The following EPPK1 variants were observed in gnomAD, a reference collection of about 807,000 sequenced individuals.
EPPK1 encodes the protein epiplakin 1, also known as epiplakin.
For synonymous variants in EPPK1, 1,862 were observed against 1,721.2 expected, an observed-to-expected ratio of 1.08 and a Z score of -2.03; for missense variants, 3,823 against 3,673.3, an observed-to-expected ratio of 1.04 and a Z score of -1.05.
Position 143,873,194 on chromosome 8 carries a change from G to A in EPPK1, c.60C>T (p.Ala20=). 1 of 1,593,496 alleles carries A rather than the reference G, an allele frequency of 6.3e-7. No individual in the cohort carries two copies. The highest frequency in any genetic ancestry group is 8.5e-7 in the Non-Finnish European group (1 of 1,172,982). Reference sequence around the variant, plus strand: ...TGGCTGCCATGGCTCTGGGTACACTGGCCTGCTCTGTGCTGTTGGTGCCTG... The same window carrying A: ...TGGCTGCCATGGCTCTGGGTACACTAGCCTGCTCTGTGCTGTTGGTGCCTG... The part of the protein sequence containing the change: ...PVPGTNSTEQ[A]SVPRAMAATL... Residue 20 remains alanine, a synonymous_variant, in exon 2 of 2, where the codon GCC becomes GCT. Transcript: ENST00000615648.
chr8:143,871,035 A>G lies in EPPK1; in HGVS notation c.2219T>C (p.Val740Ala). 1 of 1,613,104 alleles carries G rather than the reference A, an allele frequency of 6.2e-7. No homozygotes were observed. Residue 740 changes from valine (V) to alanine (A), a missense_variant, in exon 2 of 2, where the codon GTG becomes GCG. Coordinates refer to ENST00000615648, the MANE Select transcript of EPPK1 (RefSeq NM_031308.4). ...GTAGCCGCGCCGGTAGGCCACGTCC[A>G]CGGGCACGCGGTGGCTGTGCACGGG... ...IDPVHSHRVP[V>A]DVAYRRGYFD...
At position 143,871,992 on chromosome 8, in the gene EPPK1, C is replaced by A. The variant is rs1241692303; in HGVS notation, c.1262G>T (p.Cys421Phe). The change falls in exon 2 of 2, where the codon TGC (cysteine) becomes TTC (phenylalanine). Residue 421 changes from cysteine to phenylalanine, a missense_variant. By Grantham distance (205) the Cys-to-Phe change is radical. Transcript: ENST00000615648. ...CTGAGTGTCTTCATCCAGGCAGCCG[C>A]AGCGCAGGGCGGCCTCCAGGGGCAG... is the stretch of plus-strand genomic sequence containing the variant. ...LRLPLEAALR[C>F]GCLDEDTQRQ... The A allele has an allele frequency of 6.3e-7, 1 of 1,584,614 alleles. No homozygotes were observed. The highest frequency in any genetic ancestry group is 1.3e-5 in the African/African-American group (1 of 74,468).
intron 1 of EPPK1, among the ~76,000 whole-genome samples, chr8:143,876,088 A>C (rs1360572999): frequency 6.6e-6 from 1 of 152,236 alleles, no homozygotes; most frequent in Non-Finnish European, 1.5e-5. Flanking sequence ...GCCAAAGGCT[A>C]TGCTGCTCCC....
At position 143,867,945 on chromosome 8, in the gene EPPK1, T is replaced by C. The variant is rs1819189265; in HGVS notation, c.5309A>G (p.Asn1770Ser). 7.4e-6 allele frequency: 12 copies of C among 1,613,592 alleles called. No homozygotes were observed. The highest frequency in any genetic ancestry group is 5.5e-5 in the South Asian group (5 of 91,080). The change falls in exon 2 of 2, where the codon AAT becomes AGT. Residue 1770 changes from asparagine to serine, a missense_variant. By Grantham distance (46) the Asn-to-Ser change is conservative. Coordinates refer to ENST00000615648, the MANE Select transcript of EPPK1 (RefSeq NM_031308.4). The part of the protein sequence containing the change: ...IKKGENYVYI[N>S]EATRHVLQSR... ...TTGCAACACGTGTCTCGTGGCCTCA[T>C]TGATGTACACGTAGTTTTCTCCTTT...
rs782794251 is a variant in EPPK1, at chr8:143,872,408, C to T, written c.846G>A (p.Glu282=). The T allele has an allele frequency of 1.2e-6, 2 of 1,602,218 alleles. No homozygotes were observed. Among genetic ancestry groups the T allele is most frequent in the Admixed American group, 1.7e-5 (1 of 59,976 alleles). Residue 282 remains glutamate (E), a synonymous_variant, in exon 2 of 2, where the codon GAG becomes GAA. Transcript: ENST00000615648. The stretch of plus-strand genomic sequence containing the variant: ...CAACCCCGGCCACGCTGCCGGTACC[C>T]TCCAGGTAGCGCCGCACCTCGGCAC... ...SARAEVRRYL[E]GTGSVAGVVL...
In EPPK1 at chr8:143,867,229, C is replaced by G; in HGVS notation, c.6025G>C (p.Val2009Leu). 6.2e-7 allele frequency: 1 copy of G among 1,612,774 alleles called. No individual in the cohort carries two copies. ...ATGACACCCCCCGTGGCCACCTGCACCTCCAGCAGCCTCAGTGCCTCCGCC... is the reference window on the plus strand; with the variant it reads ...ATGACACCCCCCGTGGCCACCTGCAGCTCCAGCAGCCTCAGTGCCTCCGCC... Reference protein sequence around the residue: ...EKAEALRLLEVQVATGGVIDP... With the variant: ...EKAEALRLLELQVATGGVIDP... Residue 2009 changes from valine to leucine, a missense_variant, in exon 2 of 2, where the codon GTG (valine) becomes CTG (leucine). Coordinates refer to ENST00000615648, the MANE Select transcript of EPPK1 (RefSeq NM_031308.4).
At position 143,865,426 on chromosome 8, in the gene EPPK1, G is replaced by A. The variant is rs1276814209; in HGVS notation, c.7828C>T (p.Arg2610Cys). 7.1e-5 allele frequency: 18 copies of A among 252,610 alleles called. No individual in the cohort carries two copies. Among genetic ancestry groups the A allele is most frequent in the South Asian group, 1.4e-4 (1 of 6,910 alleles). The allele number at this position is 252,610 out of a possible 1,614,324, so 15.6% of individuals were successfully genotyped here. A position where few individuals can be genotyped will look rare whatever the true frequency, so the allele number is the denominator to read the frequency against. Residue 2610 changes from arginine to cysteine, a missense_variant, in exon 2 of 2, where the codon CGC (arginine) becomes TGC (cysteine). Transcript: ENST00000615648. ...TCCCCCTGGCCCTCTCGCTGGGAGCGCCCCGAGTCGCCGTCCCCTCGCCCG... is the reference window on the plus strand; with the variant it reads ...TCCCCCTGGCCCTCTCGCTGGGAGCACCCCGAGTCGCCGTCCCCTCGCCCG... Reference protein sequence around the residue: ...PAGRGDGDSGRSQREGQGEGE... With the variant: ...PAGRGDGDSGCSQREGQGEGE...
At position 143,867,999 on chromosome 8, in the gene EPPK1, G is replaced by A. The variant is rs370264014; in HGVS notation, c.5255C>T (p.Thr1752Met). The A allele has an allele frequency of 8.2e-5, 133 of 1,613,556 alleles. No homozygotes were observed. Among genetic ancestry groups the A allele is most frequent in the South Asian group, 1.2e-4 (11 of 91,086 alleles). ...LLERCVEDPE[T>M]GLYLLQIIKK... Reference sequence around the variant, plus strand: ...TATGATTTGTAGCAGGTACAGGCCCGTCTCGGGGTCCTCCACACAGCGCTC... The same window carrying A: ...TATGATTTGTAGCAGGTACAGGCCCATCTCGGGGTCCTCCACACAGCGCTC... The change falls in exon 2 of 2, where the codon ACG (threonine) becomes ATG (methionine). Residue 1752 changes from threonine to methionine, a missense_variant. Physicochemically the swap from Thr to Met is moderately conservative, Grantham distance 81 (BLOSUM62 -1). Coordinates refer to ENST00000615648, the MANE Select transcript of EPPK1 (RefSeq NM_031308.4).
chr8:143,878,414 C>CACCCGG (rs1819530146), intron 1 of EPPK1, 24 bp downstream of exon 1: 1 of 96,772 alleles, frequency 1.0e-5, no homozygotes, highest in Admixed American at 9.8e-5. Context: ...GCCGCACCCG[C>CACCCGG]CGCACCCGCC....
At position 143,872,984 on chromosome 8, in the gene EPPK1, GC is replaced by G; in HGVS notation, c.269del (p.Gly90AlafsTer19). 6.3e-7 allele frequency: 1 copy of G among 1,582,228 alleles called. No homozygotes were observed. Among genetic ancestry groups the G allele is most frequent in the Non-Finnish European group, 8.6e-7 (1 of 1,164,010 alleles). Reference sequence around the variant, plus strand: ...GGGCCTTGGACACAGGGAGCAGCTGGCCCCGGGCGAGGTCCACCAGGCCCCC... The same window carrying G: ...GGGCCTTGGACACAGGGAGCAGCTGGCCCGGGCGAGGTCCACCAGGCCCCC... ...ATGGLVDLAR[G>X]QLLPVSKALQ... On this transcript the variant is annotated frameshift_variant, in exon 2 of 2. Coordinates refer to ENST00000615648, the MANE Select transcript of EPPK1 (RefSeq NM_031308.4). LOFTEE classifies it low-confidence loss of function (END_TRUNC).
chr8:143,871,733 G>T lies in EPPK1; in HGVS notation c.1521C>A (p.Pro507=). ...AGAAGAGCAGCTCCCAGAGGGACAC[G>T]GGCCGGCCCCGGAACTTCCCCACAG... is the stretch of plus-strand genomic sequence containing the variant. The part of the protein sequence containing the change: ...TVSVGKFRGR[P]VSLWELLFSE... The change falls in exon 2 of 2, where the codon CCC becomes CCA. Residue 507 remains proline, a synonymous_variant. Coordinates refer to ENST00000615648, the MANE Select transcript of EPPK1 (RefSeq NM_031308.4). 1 of 1,609,222 alleles carries T rather than the reference G, an allele frequency of 6.2e-7. No individual in the cohort carries two copies. The highest frequency in any genetic ancestry group is 8.5e-7 in the Non-Finnish European group (1 of 1,178,558).
Position 143,870,535 on chromosome 8 carries a change from G to A in EPPK1, c.2719C>T (p.Leu907=). Reference sequence around the variant, plus strand: ...GCCTCCGGGCTGATTGTCCCGGCCAGCACTTGGTCCAACAGCTGCTGGTCA... The same window carrying A: ...GCCTCCGGGCTGATTGTCCCGGCCAACACTTGGTCCAACAGCTGCTGGTCA... ...IIDQQLLDQV[L]AGTISPEALL... The change falls in exon 2 of 2, where the codon CTG becomes TTG. Residue 907 remains leucine, a synonymous_variant. Coordinates refer to ENST00000615648, the MANE Select transcript of EPPK1 (RefSeq NM_031308.4). This position sits in a 1 kb window ranked among gnomAD's most constrained non-coding sequence, Gnocchi z 5.2. The A allele has an allele frequency of 6.2e-7, 1 of 1,611,146 alleles. No homozygotes were observed. Among genetic ancestry groups the A allele is most frequent in the Non-Finnish European group, 8.5e-7 (1 of 1,179,076 alleles).
In EPPK1 at chr8:143,872,453, G is replaced by A. The variant is rs562332369; in HGVS notation, c.801C>T (p.Ala267=). ...CGGCACGTGCACTCACGTCCACTGC[G>A]GCCAGCCTGCCCTCCCGCAGACCCT... ...AVQGLREGRL[A]AVDVSARAEV... The change falls in exon 2 of 2, where the codon GCC becomes GCT. Residue 267 remains alanine (A), a synonymous_variant. Transcript: ENST00000615648. The A allele has an allele frequency of 2.6e-4, 422 of 1,595,206 alleles. 1 individual carries two copies. In the East Asian group the frequency reaches 8.9e-3, roughly 34 times the overall value.
Position 143,869,595 on chromosome 8 carries a change from T to C in EPPK1, c.3659A>G (p.Glu1220Gly). 2 of 1,566,204 alleles carry C rather than the reference T, an allele frequency of 1.3e-6. No individual in the cohort carries two copies. The highest frequency in any genetic ancestry group is 1.7e-6 in the Non-Finnish European group (2 of 1,156,354). Residue 1220 changes from glutamate (E) to glycine (G), a missense_variant, in exon 2 of 2, where the codon GAG becomes GGG. Physicochemically the swap from Glu to Gly is moderately conservative, Grantham distance 98. Coordinates refer to ENST00000615648, the MANE Select transcript of EPPK1 (RefSeq NM_031308.4). ...DAGIITQETL[E>G]ALAQGTQSPA... ...CGACTGCGTGCCCTGAGCCAGGGCCTCAAGGGTCTCCTGGGTGATGATGCC... is the reference window on the plus strand; with the variant it reads ...CGACTGCGTGCCCTGAGCCAGGGCCCCAAGGGTCTCCTGGGTGATGATGCC...
upstream of EPPK1, chr8:143,878,563 G>GCA (rs1819538241): frequency 1.3e-5 from 2 of 150,648 alleles, no homozygotes; most frequent in African/African-American, 4.9e-5. Flanking sequence ...GGCGGGGCGG[G>GCA]GCGGGCAGGT....
chr8:143,869,335 C>T lies in EPPK1; in HGVS notation c.3919G>A (p.Gly1307Ser), dbSNP rs782197111. 48 of 1,608,282 alleles carry T rather than the reference C, an allele frequency of 3.0e-5. No individual in the cohort carries two copies. The highest frequency in any genetic ancestry group is 6.7e-5 in the East Asian group (3 of 44,818). The change falls in exon 2 of 2, where the codon GGC becomes AGC. Residue 1307 changes from glycine to serine, a missense_variant. Coordinates refer to ENST00000615648, the MANE Select transcript of EPPK1 (RefSeq NM_031308.4). ...RLSVEDAVKVGLVGRELSEQL... is the reference protein window; with the variant it reads ...RLSVEDAVKVSLVGRELSEQL... Reference sequence around the variant, plus strand: ...TCACTCAGCTCCCTGCCCACCAGGCCGACCTTAACCGCGTCCTCCACTGAC... The same window carrying T: ...TCACTCAGCTCCCTGCCCACCAGGCTGACCTTAACCGCGTCCTCCACTGAC...
rs751003767 is a variant in EPPK1, at chr8:143,872,692, G to A, written c.562C>T (p.Leu188=). The A allele has an allele frequency of 6.2e-7, 1 of 1,603,714 alleles. No homozygotes were observed. The highest frequency in any genetic ancestry group is 8.5e-7 in the Non-Finnish European group (1 of 1,175,240). ...GLLDRETWHK[L]SELEPGTGDL... ...CCTGTGCCAGGCTCAAGCTCTGACAGCTTGTGCCATGTCTCCCGGTCCAGG... is the reference window on the plus strand; with the variant it reads ...CCTGTGCCAGGCTCAAGCTCTGACAACTTGTGCCATGTCTCCCGGTCCAGG... Residue 188 remains leucine, a synonymous_variant, in exon 2 of 2, where the codon CTG becomes TTG. Transcript: ENST00000615648.
rs2130622988 is a variant in EPPK1 at position 143,867,246 on chromosome 8, GCCTCCGCCTTCT to G, written c.5996_6007del (p.Glu1999_Glu2002del). ...CACCTGCACCTCCAGCAGCCTCAGT[GCCTCCGCCTTCT>G]CGATGAGCTGCTTCTGCATGGCCTG... On this transcript the variant is annotated inframe_deletion, in exon 2 of 2. Transcript: ENST00000615648. The G allele has an allele frequency of 6.2e-7, 1 of 1,612,706 alleles. No individual in the cohort carries two copies. Among genetic ancestry groups the G allele is most frequent in the East Asian group, 2.2e-5 (1 of 44,876 alleles).
chr8:143,857,733 A>C lies in EPPK1; in HGVS notation c.*254T>G, dbSNP rs1818919668. ...GACAGAAAAATGTTCTGAAAACGAA[A>C]AAGGAGAGAAAAGTAAAACCATATG... On this transcript the variant is annotated 3_prime_UTR_variant, in exon 2 of 2. Transcript: ENST00000615648. The C allele has an allele frequency of 2.4e-6, 1 of 415,986 alleles. No homozygotes were observed. Among genetic ancestry groups the C allele is most frequent in the Non-Finnish European group, 4.2e-6 (1 of 237,170 alleles). The allele number at this position is 415,986 out of a possible 1,614,324, so 25.8% of individuals were successfully genotyped here. A position where few individuals can be genotyped will look rare whatever the true frequency, so the allele number is the denominator to read the frequency against.
Sources: allele counts gnomAD v4.1 joint callset (sites outside exome capture counted in the v4.1 genomes callset), GRCh38; gene constraint gnomAD v4.1.1; non-coding constraint Gnocchi (gnomAD v3.1); transcripts MANE v1.5; gene names NCBI Gene and HGNC (gene_info 2026-07-23, HGNC 2026-07-21).